The following CDYL2 variants were observed in gnomAD, a reference collection of about 807,000 sequenced individuals.
CDYL2 encodes the protein chromodomain Y like 2.
Under a neutral mutation model 49.4 loss-of-function variants are expected in CDYL2, and 23 were observed. The ratio of observed to expected loss-of-function variants is 0.47; its 90% confidence interval spans 0.34 to 0.66. The LOEUF (loss-of-function observed/expected upper bound fraction) is 0.66, where lower values mean the gene tolerates loss of function less well. CDYL2 is among the 30% of genes least tolerant of loss of function. The pLI is 0.01. For missense variants in CDYL2, 678 were observed against 656.4 expected (o/e 1.03, Z -0.36); for synonymous variants, 360 against 268.8 (o/e 1.34, Z -3.32).
intron 1 of CDYL2, among the ~76,000 whole-genome samples, chr16:80,742,672 G>A (rs1567591946): frequency 6.6e-6 from 1 of 151,876 alleles, no homozygotes; most frequent in Admixed American, 6.6e-5. Context: ...TGGGTAGAAA[G>A]GGTGGATGAA....
At chr16:80,772,584 C>A (rs1379860099) in intron 1 of CDYL2, among the ~76,000 whole-genome samples, 1 of 152,184 alleles carries the variant, frequency 6.6e-6, no homozygotes, top group Non-Finnish European at 1.5e-5. Context: ...TCCCAAGTAG[C>A]TGGGACTACA....
intron 1 of CDYL2, among the ~76,000 whole-genome samples, chr16:80,750,173 A>G (rs1268970352): frequency 2.6e-5 from 4 of 152,158 alleles, no homozygotes; most frequent in African/African-American, 9.7e-5. Flanking sequence ...AACATGGCAC[A>G]TGTATACATA....
At chr16:80,632,052 A>C (rs956777669) in intron 3 of CDYL2, among the ~76,000 whole-genome samples, 1 of 152,228 alleles carries the variant, frequency 6.6e-6, no homozygotes, top group Non-Finnish European at 1.5e-5. Flanking sequence ...CAAGAAAATC[A>C]TATTAGAAAT....
At chr16:80,778,472 C>G (rs1410541389) in intron 1 of CDYL2, among the ~76,000 whole-genome samples, 1 of 151,826 alleles carries the variant, frequency 6.6e-6, no homozygotes, top group Admixed American at 6.5e-5. Context: ...CCAAAAGGAA[C>G]TGAATTATAA....
At chr16:80,619,995 T>C (rs1907005672) in intron 4 of CDYL2, among the ~76,000 whole-genome samples, 2 of 152,226 alleles carry the variant, frequency 1.3e-5, no homozygotes, top group South Asian at 4.2e-4. Context: ...GTGGAGTAAA[T>C]GTTCCTTCTC....
intron 1 of CDYL2, among the ~76,000 whole-genome samples, chr16:80,792,535 C>T (rs1188653615): frequency 6.6e-6 from 1 of 152,144 alleles, no homozygotes. Flanking sequence ...CAGGCTGCAA[C>T]AAGAAGCTGC....
intron 1 of CDYL2, among the ~76,000 whole-genome samples, chr16:80,746,872 C>G (rs1018273300): frequency 2.6e-5 from 4 of 152,164 alleles, no homozygotes; most frequent in African/African-American, 9.7e-5. Flanking sequence ...GCAGACTTCA[C>G]TTAAAGTCCA....
At chr16:80,740,074 C>G (rs192356573) in intron 1 of CDYL2, among the ~76,000 whole-genome samples, 18 of 152,256 alleles carry the variant, frequency 1.2e-4, no homozygotes, top group Non-Finnish European at 1.5e-4. Context: ...GACAGAAAAG[C>G]TACTTACAGG....
At chr16:80,683,574 TGC>T (rs1910055093) in intron 2 of CDYL2, among the ~76,000 whole-genome samples, 2 of 28,962 alleles carry the variant, frequency 6.9e-5, no homozygotes, top group Admixed American at 2.2e-4. Context: ...AAAGAATTAG[TGC>T]AGGATGAGGT....
At chr16:80,636,837 A>G (rs188433178) in intron 2 of CDYL2, among the ~76,000 whole-genome samples, 7 of 152,362 alleles carry the variant, frequency 4.6e-5, no homozygotes. Context: ...GATTAAGAAA[A>G]TGTGGCACAT....
chr16:80,674,983 T>C (rs1445873338), intron 2 of CDYL2, among the ~76,000 whole-genome samples: 1 of 152,224 alleles, frequency 6.6e-6, no homozygotes, highest in Non-Finnish European at 1.5e-5. Context: ...GATGTGAATA[T>C]GTGCATGTGT....
intron 1 of CDYL2, among the ~76,000 whole-genome samples, chr16:80,731,278 A>G (rs1161900410): frequency 6.6e-6 from 1 of 152,192 alleles, no homozygotes; most frequent in Non-Finnish European, 1.5e-5. Context: ...GGATTAGAAG[A>G]TGAAATTGAG....
intron 2 of CDYL2, among the ~76,000 whole-genome samples, chr16:80,637,167 C>A (rs542428857): frequency 6.6e-6 from 1 of 151,576 alleles, no homozygotes; most frequent in Admixed American, 6.6e-5. Flanking sequence ...CAAACCTGCA[C>A]GTTCTGTATA....
intron 1 of CDYL2, among the ~76,000 whole-genome samples, chr16:80,752,252 C>G (rs1019688183): frequency 6.6e-6 from 1 of 151,520 alleles, no homozygotes; most frequent in African/African-American, 2.4e-5. Context: ...AGGAGAAAAC[C>G]GCAGATAAAT....
rs1906645298 is a variant in CDYL2, at chr16:80,612,559, G to T, written c.1218+67C>A. On this transcript the variant is annotated intron_variant, in intron 5 of 6. Coordinates refer to ENST00000570137, the MANE Select transcript of CDYL2 (RefSeq NM_152342.4). This position sits in a 1 kb window ranked among gnomAD's most constrained non-coding sequence, Gnocchi z 5.0. ...CCTCAGGTTTCTAGCCCCATGAAGAGCCCCTAAACCCAAGGCAGAGGAAGG... is the reference window on the plus strand; with the variant it reads ...CCTCAGGTTTCTAGCCCCATGAAGATCCCCTAAACCCAAGGCAGAGGAAGG... 1.4e-6 allele frequency: 2 copies of T among 1,462,412 alleles called. No homozygotes were observed. The highest frequency in any genetic ancestry group is 1.4e-5 in the African/African-American group (1 of 70,630). The allele number at this position is 1,462,412 out of a possible 1,614,324, so 90.6% of individuals were successfully genotyped here. A position where few individuals can be genotyped will look rare whatever the true frequency, so the allele number is the denominator to read the frequency against.
chr16:80,689,370 G>T (rs1266556378), intron 1 of CDYL2, among the ~76,000 whole-genome samples: 1 of 152,186 alleles, frequency 6.6e-6, no homozygotes, highest in African/African-American at 2.4e-5. Flanking sequence ...ATAGTTCCAG[G>T]AACTGTGTAA....
At chr16:80,647,710 T>C in intron 2 of CDYL2, among the ~76,000 whole-genome samples, 1 of 152,132 alleles carries the variant, frequency 6.6e-6, no homozygotes, top group East Asian at 1.9e-4. Flanking sequence ...TACAAAACAT[T>C]TAATCCAATG....
chr16:80,698,635 A>AC (rs1362003947), intron 1 of CDYL2, among the ~76,000 whole-genome samples: 4 of 152,044 alleles, frequency 2.6e-5, no homozygotes, highest in Non-Finnish European at 5.9e-5. Flanking sequence ...CTCCCTTGGT[A>AC]CTGTATAGTA....
intron 2 of CDYL2, among the ~76,000 whole-genome samples, chr16:80,662,458 T>A (rs1044195568): frequency 6.6e-6 from 1 of 152,152 alleles, no homozygotes; most frequent in African/African-American, 2.4e-5. Context: ...GCAGTGCATC[T>A]CTCTTCTGGT....
Sources: allele counts gnomAD v4.1 joint callset (sites outside exome capture counted in the v4.1 genomes callset), GRCh38; gene constraint gnomAD v4.1.1; non-coding constraint Gnocchi (gnomAD v3.1); transcripts MANE v1.5; gene names NCBI Gene and HGNC (gene_info 2026-07-23, HGNC 2026-07-21).